The following FGF10 variants were observed in gnomAD, a reference collection of about 807,000 sequenced individuals.
FGF10 encodes the protein fibroblast growth factor 10, also known as FGF-10.
FGF10 carries 2 observed loss-of-function variants against 19.8 expected under a neutral mutation model. The observed-to-expected ratio is 0.10, with a 90% CI of 0.04 to 0.32. FGF10 has a LOEUF of 0.32. FGF10 is among the 10% of genes least tolerant of loss of function. The probability of loss-of-function intolerance (pLI) is 1.00; values close to 1 mark genes in which losing one functional copy is unlikely to be tolerated. For synonymous variants in FGF10, 112 were observed against 94.0 expected (o/e 1.19, Z -1.10); for missense variants, 191 against 246.3 (o/e 0.78, Z 1.50).
At chr5:44,380,822 C>G (rs552278363) in intron 1 of FGF10, among the ~76,000 whole-genome samples, 4 of 151,946 alleles carry the variant, frequency 2.6e-5, no homozygotes, top group African/African-American at 9.7e-5. Flanking sequence ...CTCTACAAAA[C>G]GAACAAACAA....
At chr5:44,350,518 C>T (rs747483522) in intron 1 of FGF10, among the ~76,000 whole-genome samples, 1 of 150,544 alleles carries the variant, frequency 6.6e-6, no homozygotes, top group South Asian at 2.1e-4. Context: ...GCATGCAATA[C>T]TATTAGCAAT....
At chr5:44,337,857 C>G (rs1035183455) in intron 1 of FGF10, among the ~76,000 whole-genome samples, 3 of 152,118 alleles carry the variant, frequency 2.0e-5, no homozygotes, top group Non-Finnish European at 4.4e-5. Context: ...AGGAGAATCA[C>G]TTGAACCCGG....
intron 2 of FGF10, 138 bp downstream of exon 2, chr5:44,310,289 C>A: frequency 1.5e-6 from 1 of 669,500 alleles, no homozygotes; most frequent in Admixed American, 2.1e-5. Flanking sequence ...GCCCTTGAAA[C>A]AGTGGTGACT....
At chr5:44,383,551 G>A (rs1056183690) in intron 1 of FGF10, among the ~76,000 whole-genome samples, 12 of 152,032 alleles carry the variant, frequency 7.9e-5, no homozygotes, top group Non-Finnish European at 1.3e-4. Flanking sequence ...TCTGATTCCT[G>A]ACAACTGTTT....
chr5:44,309,120 G>C (rs1223207595), intron 2 of FGF10, among the ~76,000 whole-genome samples: 1 of 152,084 alleles, frequency 6.6e-6, no homozygotes, highest in Non-Finnish European at 1.5e-5. Context: ...CACAGGATCT[G>C]TTTACAAAAG....
At position 44,301,523 on chromosome 5, in the gene FGF10, T is replaced by C. The variant is rs1739964039; in HGVS notation, c.*3472A>G. On this transcript the variant is annotated 3_prime_UTR_variant, in exon 3 of 3. Transcript: ENST00000264664. The stretch of plus-strand genomic sequence containing the variant: ...GTCATTCATCCCCTTGAAATCAGAT[T>C]CTGCAGCCACCTGGCTTTCCTCCAA... Among the ~76,000 whole-genome samples, 1 of 152,202 alleles carries C rather than the reference T, an allele frequency of 6.6e-6. No homozygotes were observed. The highest frequency in any genetic ancestry group is 2.4e-5 in the African/African-American group (1 of 41,462).
chr5:44,322,787 G>A (rs1740527977), intron 1 of FGF10, among the ~76,000 whole-genome samples: 2 of 151,434 alleles, frequency 1.3e-5, no homozygotes, highest in South Asian at 2.1e-4. Flanking sequence ...CTAGTTGCAG[G>A]AAAACAAGCT....
intron 1 of FGF10, among the ~76,000 whole-genome samples, chr5:44,373,728 G>C (rs988632062): frequency 6.6e-6 from 1 of 152,036 alleles, no homozygotes; most frequent in African/African-American, 2.4e-5. Flanking sequence ...CTCTAAATGA[G>C]GTAGGCATTC....
At chr5:44,345,599 C>T (rs749675221) in intron 1 of FGF10, among the ~76,000 whole-genome samples, 1 of 149,266 alleles carries the variant, frequency 6.7e-6, no homozygotes, top group Non-Finnish European at 1.5e-5. Flanking sequence ...AAAGTTTTTC[C>T]CCATTGTTTC....
At chr5:44,352,331 T>G (rs929338805) in intron 1 of FGF10, among the ~76,000 whole-genome samples, 11 of 151,634 alleles carry the variant, frequency 7.3e-5, no homozygotes, top group African/African-American at 1.9e-4. Context: ...AGGGAACTCA[T>G]GCCTGGCCCT....
chr5:44,370,485 G>A (rs1187914316), intron 1 of FGF10, among the ~76,000 whole-genome samples: 2 of 151,986 alleles, frequency 1.3e-5, no homozygotes, highest in Non-Finnish European at 2.9e-5. Context: ...CCCTTGCACT[G>A]GAGCCCCATT....
intron 1 of FGF10, among the ~76,000 whole-genome samples, chr5:44,363,607 A>C (rs771199682): frequency 1.2e-4 from 18 of 151,890 alleles, no homozygotes; most frequent in Non-Finnish European, 2.5e-4. Context: ...TTGAAGGGCA[A>C]AAATAGAGCA....
chr5:44,364,312 A>T (rs1741556026), intron 1 of FGF10, among the ~76,000 whole-genome samples: 1 of 151,848 alleles, frequency 6.6e-6, no homozygotes, highest in Non-Finnish European at 1.5e-5. Flanking sequence ...CAGCAATCTT[A>T]TGTATATTAA....
At chr5:44,326,883 GA>G (rs1460926729) in intron 1 of FGF10, among the ~76,000 whole-genome samples, 2 of 152,160 alleles carry the variant, frequency 1.3e-5, no homozygotes, top group African/African-American at 4.8e-5. Context: ...AAGGAAAGAA[GA>G]AAGAAGTGCT....
At chr5:44,346,689 A>C (rs1227914933) in intron 1 of FGF10, among the ~76,000 whole-genome samples, 1 of 151,896 alleles carries the variant, frequency 6.6e-6, no homozygotes, top group Non-Finnish European at 1.5e-5. Flanking sequence ...TCATAAGTAA[A>C]TAATCTGATA....
At chr5:44,309,177 T>C (rs1222507003) in intron 2 of FGF10, among the ~76,000 whole-genome samples, 1 of 152,160 alleles carries the variant, frequency 6.6e-6, no homozygotes, top group Admixed American at 6.6e-5. Flanking sequence ...TTTCTGGCCA[T>C]ATATAATATT....
At chr5:44,350,983 G>A (rs1442902943) in intron 1 of FGF10, among the ~76,000 whole-genome samples, 2 of 151,436 alleles carry the variant, frequency 1.3e-5, no homozygotes, top group South Asian at 2.1e-4. Flanking sequence ...AATTTTAAAA[G>A]TACTTAAAGT....
chr5:44,364,745 A>G (rs1037136778), intron 1 of FGF10, among the ~76,000 whole-genome samples: 29 of 151,964 alleles, frequency 1.9e-4, no homozygotes, highest in African/African-American at 6.8e-4. Context: ...AAATAACATC[A>G]TACATGTAAA....
Position 44,303,049 on chromosome 5 carries a change from A to T in FGF10, c.*1946T>A, listed in dbSNP as rs1380764194. ...TTACCAATTAAATTTTAACATCCAG[A>T]TTCCAACCACAAAAATTAAACATTT... On this transcript the variant is annotated 3_prime_UTR_variant, in exon 3 of 3. Transcript: ENST00000264664. Among the ~76,000 whole-genome samples the T allele has an allele frequency of 6.6e-6, 1 of 152,194 alleles. No homozygotes were observed. The highest frequency in any genetic ancestry group is 1.9e-4 in the East Asian group (1 of 5,196).
Sources: allele counts gnomAD v4.1 joint callset (sites outside exome capture counted in the v4.1 genomes callset), GRCh38; gene constraint gnomAD v4.1.1; transcripts MANE v1.5; gene names NCBI Gene and HGNC (gene_info 2026-07-23, HGNC 2026-07-21).